SDK2: variants seen among roughly 807,000 people sequenced by gnomAD.
SDK2 encodes protein sidekick-2.
A neutral mutation model predicts 253.9 loss-of-function variants in SDK2; 105 were observed. The ratio of observed to expected loss-of-function variants is 0.41; its 90% CI spans 0.35 to 0.49. SDK2 has a LOEUF of 0.49. Ranked by LOEUF, SDK2 falls within the 20% of genes least tolerant of loss-of-function variation. SDK2 has a pLI of 0.06. For missense variants in SDK2, 2,608 were observed against 3,003.0 expected, an observed-to-expected ratio of 0.87 and a Z score of 3.07; for synonymous variants, 1,249 against 1,234.9, an observed-to-expected ratio of 1.01 and a Z score of -0.24.
chr17:73,466,692 T>A (rs1474672734), intron 3 of SDK2, among the ~76,000 whole-genome samples: 2 of 144,132 alleles, frequency 1.4e-5, no homozygotes, highest in Non-Finnish European at 3.0e-5. Context: ...GCAGGATGGA[T>A]CATTTTGGAG....
At chr17:73,497,185 A>C (rs144396617) in intron 2 of SDK2, among the ~76,000 whole-genome samples, 2,387 of 152,324 alleles carry the variant, frequency 0.016, 64 homozygotes, top group African/African-American at 0.054. Flanking sequence ...GGCGTGAGCC[A>C]CTGCGCCCAG....
chr17:73,579,193 C>T (rs1453866791), intron 1 of SDK2, among the ~76,000 whole-genome samples: 1 of 152,194 alleles, frequency 6.6e-6, no homozygotes, highest in Non-Finnish European at 1.5e-5. Flanking sequence ...TCAAGAGCCT[C>T]TCACTCATCC....
intron 1 of SDK2, among the ~76,000 whole-genome samples, chr17:73,559,332 G>A (rs1299234872): frequency 6.6e-6 from 1 of 152,182 alleles, no homozygotes; most frequent in African/African-American, 2.4e-5. Context: ...ATGTGCCATG[G>A]AGTGGCAATG....
At chr17:73,483,505 G>T (rs1191129957) in intron 2 of SDK2, among the ~76,000 whole-genome samples, 1 of 99,738 alleles carries the variant, frequency 1.0e-5, no homozygotes, top group East Asian at 2.9e-4. Flanking sequence ...GTGTGTGTGT[G>T]TGTGTATGTG....
rs948265652 is a variant in SDK2, at chr17:73,443,721, G to C, written c.614-2798C>G. ...CAGTGAGAAAGGGTCCCAGGGGTGA[G>C]GAAGACCTGGGCTCAAAGCCTAGCT... On this transcript the variant is annotated intron_variant, in intron 5 of 44. Coordinates refer to ENST00000392650, the MANE Select transcript of SDK2 (RefSeq NM_001144952.2). The surrounding 1 kb of genome is among the most constrained non-coding windows in gnomAD (Gnocchi z 4.6). Among the ~76,000 whole-genome samples, 5 of 152,182 alleles carry C rather than the reference G, an allele frequency of 3.3e-5. No homozygotes were observed. The highest frequency in any genetic ancestry group is 1.2e-4 in the African/African-American group (5 of 41,442).
intron 1 of SDK2, among the ~76,000 whole-genome samples, chr17:73,508,891 C>T (rs1244969651): frequency 6.6e-6 from 1 of 152,182 alleles, no homozygotes; most frequent in African/African-American, 2.4e-5. Flanking sequence ...TTGACAGATT[C>T]GAGGGAGTGG....
At chr17:73,381,607 G>A (rs1264236075) in intron 33 of SDK2, among the ~76,000 whole-genome samples, 4 of 152,172 alleles carry the variant, frequency 2.6e-5, no homozygotes, top group African/African-American at 9.7e-5. Flanking sequence ...TGGGCCGGGC[G>A]CAGTGGCTCA....
chr17:73,352,637 T>A lies in SDK2; in HGVS notation c.5594A>T (p.Asp1865Val). ...GATGAGGATGTCCCATAGTCCCTCG[T>A]CTGCAGGAGCACAGAGATGGAGGCC... is the stretch of plus-strand genomic sequence containing the variant. ...TRYVIEARPS[D>V]EGLWDILIKD... Residue 1865 changes from aspartate to valine, a missense_variant and splice_region_variant, in exon 41 of 45, where the codon GAC (aspartate) becomes GTC (valine). By Grantham distance (152) the Asp-to-Val change is radical (BLOSUM62 -3). Around this residue, in one of 2 missense-constraint regions of SDK2, gnomAD observed 1,103 missense variants for 1,143.9 expected, o/e 0.96. Transcript: ENST00000392650. This position sits in a 1 kb window ranked among gnomAD's most constrained non-coding sequence, Gnocchi z 4.1. 6.2e-7 allele frequency: 1 copy of A among 1,613,776 alleles called. No homozygotes were observed. The highest frequency in any genetic ancestry group is 8.5e-7 in the Non-Finnish European group (1 of 1,179,710).
intron 2 of SDK2, among the ~76,000 whole-genome samples, chr17:73,505,051 C>G (rs1397766263): frequency 6.6e-6 from 1 of 152,072 alleles, no homozygotes; most frequent in Non-Finnish European, 1.5e-5. Context: ...CCCAAGTGCG[C>G]GCTCATCTAT....
At chr17:73,355,176 T>G (rs1229372788) in intron 40 of SDK2, among the ~76,000 whole-genome samples, 2 of 5,784 alleles carry the variant, frequency 3.5e-4, no homozygotes, top group African/African-American at 9.4e-4. Context: ...ATATATATAT[T>G]TTTTTTTTTT....
chr17:73,566,343 G>A (rs2045312693), intron 1 of SDK2, among the ~76,000 whole-genome samples: 1 of 151,734 alleles, frequency 6.6e-6, no homozygotes. Context: ...GTGTGTGTGT[G>A]TGTGTGTGTG....
chr17:73,338,686 G>A lies in SDK2; in HGVS notation c.6420C>T (p.Pro2140=), dbSNP rs963364027. 5 of 1,600,508 alleles carry A rather than the reference G, an allele frequency of 3.1e-6. No homozygotes were observed. The Admixed American group carries it at 5.2e-5, about 17-fold the overall frequency. The change falls in exon 45 of 45, where the codon CCC becomes CCT. Residue 2140 remains proline, a synonymous_variant. Transcript: ENST00000392650. The surrounding 1 kb of genome is among the most constrained non-coding windows in gnomAD (Gnocchi z 5.0). The stretch of plus-strand genomic sequence containing the variant: ...TGCTCTGCTGACTTGGGGGGTTAGG[G>A]GGGTTCTGGGGCGTTGGAGTCCGAC... ...KASRTPTPQN[P]PNPPSQQSTL...
chr17:73,561,159 G>A (rs997535145), intron 1 of SDK2, among the ~76,000 whole-genome samples: 31 of 152,208 alleles, frequency 2.0e-4, no homozygotes, highest in Admixed American at 1.3e-3. Context: ...TGCCCGAGAT[G>A]GGGCCAAGGG....
At chr17:73,415,090 C>T (rs2063169492) in intron 17 of SDK2, among the ~76,000 whole-genome samples, 1 of 147,924 alleles carries the variant, frequency 6.8e-6, no homozygotes, top group African/African-American at 2.5e-5. Context: ...AGAAGGTCCC[C>T]ATATGCCTGG....
intron 20 of SDK2, among the ~76,000 whole-genome samples, 192 bp downstream of exon 20, chr17:73,401,462 G>C (rs2063025265): frequency 6.6e-6 from 1 of 152,190 alleles, no homozygotes; most frequent in African/African-American, 2.4e-5. Context: ...TGTGGCAGAA[G>C]GTGTGGGGCT....
Position 73,522,668 on chromosome 17 carries a change from G to A in SDK2, c.65-15071C>T, listed in dbSNP as rs186772282. ...GTCAGCAGCTCCCCTTGCTTCTCTCGCTCAATGTCATGTCCTCAGATTTAA... is the reference window on the plus strand; with the variant it reads ...GTCAGCAGCTCCCCTTGCTTCTCTCACTCAATGTCATGTCCTCAGATTTAA... On this transcript the variant is annotated intron_variant, in intron 1 of 44. Transcript: ENST00000392650. Among the ~76,000 whole-genome samples, 159 of 152,254 alleles carry A rather than the reference G, an allele frequency of 1.0e-3. No homozygotes were observed. In the Middle Eastern group the frequency reaches 0.014, roughly 13 times the overall value.
chr17:73,396,448 C>G (rs1363776317), intron 24 of SDK2, among the ~76,000 whole-genome samples: 2 of 152,100 alleles, frequency 1.3e-5, no homozygotes, highest in African/African-American at 4.8e-5. Flanking sequence ...GGTCCACAGG[C>G]TCACCCTAGG....
chr17:73,569,347 GCCA>G (rs1027906682), intron 1 of SDK2, among the ~76,000 whole-genome samples: 2 of 151,884 alleles, frequency 1.3e-5, no homozygotes, highest in African/African-American at 2.4e-5. Context: ...ACGGGCGCAC[GCCA>G]CCACACCCAG....
chr17:73,560,939 G>C lies in SDK2; in HGVS notation c.65-53342C>G, dbSNP rs77965888. Among the ~76,000 whole-genome samples the C allele has an allele frequency of 7.6e-3, 1,160 of 152,224 alleles. 11 individuals are homozygous for C. The highest frequency in any genetic ancestry group is 0.033 in the South Asian group (158 of 4,822). On this transcript the variant is annotated intron_variant, in intron 1 of 44. Coordinates refer to ENST00000392650, the MANE Select transcript of SDK2 (RefSeq NM_001144952.2). ...AGGATCCTCTTTGAGGTCAGGAAGCGGGGCGTGTGGGGTGTGCCACTGGGC... is the reference window on the plus strand; with the variant it reads ...AGGATCCTCTTTGAGGTCAGGAAGCCGGGCGTGTGGGGTGTGCCACTGGGC...
Sources: gnomAD v4.1 joint callset for allele counts (sites outside exome capture counted in the v4.1 genomes callset) on GRCh38, gnomAD v4.1.1 for gene constraint, gnomAD v4.1.1 regional missense constraint, Gnocchi (gnomAD v3.1) non-coding constraint, MANE v1.5 for transcripts, NCBI Gene and HGNC (gene_info 2026-07-23, HGNC 2026-07-21) for gene names.